Variants in FAM114A2 observed in about 807,000 individuals in gnomAD.
The protein encoded by FAM114A2 is family with sequence similarity 114 member A2.
FAM114A2 carries 53 observed loss-of-function variants against 58.4 expected under a neutral mutation model. The observed-to-expected ratio is 0.91, with a 90% confidence interval of 0.73 to 1.14. The LOEUF is 1.14. Among genes scored for constraint, FAM114A2 ranks in the 50% most tolerant of loss-of-function variants. The probability of loss-of-function intolerance (pLI) is 0.00; values close to 1 mark genes in which losing one functional copy is unlikely to be tolerated. For missense variants in FAM114A2, 601 were observed against 581.1 expected (o/e 1.03, Z -0.35); for synonymous variants, 228 against 211.4 (o/e 1.08, Z -0.68).
At chr5:154,035,656 T>C (rs1339186548) in intron 1 of FAM114A2, among the ~76,000 whole-genome samples, 2 of 152,314 alleles carry the variant, frequency 1.3e-5, no homozygotes, top group East Asian at 1.9e-4. Flanking sequence ...AGTTCATGTA[T>C]AGGTTTTTGG....
In FAM114A2 at chr5:153,994,946, G is replaced by A. The variant is rs775953919; in HGVS notation, c.1356C>T (p.Asn452=). The part of the protein sequence containing the change: ...AGVKEMADVL[N]PLITAVFLEA... ...CTAGAAATACTGCAGTGATTAATGG[G>A]TTAAGGACATCTGCCATTTCTTTGA... The change falls in exon 13 of 14, where the codon AAC becomes AAT. Residue 452 remains asparagine, a synonymous_variant. Transcript: ENST00000351797. The A allele has an allele frequency of 1.2e-6, 2 of 1,609,446 alleles. No individual in the cohort carries two copies. The highest frequency in any genetic ancestry group is 3.3e-5 in the Admixed American group (2 of 59,992).
At position 154,028,139 on chromosome 5, in the gene FAM114A2, T is replaced by TA; in HGVS notation, c.630+9dup. 6.2e-7 allele frequency: 1 copy of TA among 1,603,470 alleles called. No homozygotes were observed. The highest frequency in any genetic ancestry group is 8.5e-7 in the Non-Finnish European group (1 of 1,174,842). ...GAAACAGGAAGTAAACAGGTAAGGA[T>TA]AATCAGTACCTGAGATAGTGTAGCA... On this transcript the variant is annotated intron_variant, in intron 6 of 13. Transcript: ENST00000351797.
intron 1 of FAM114A2, among the ~76,000 whole-genome samples, chr5:154,037,746 A>C (rs1024533484): frequency 1.3e-5 from 2 of 152,148 alleles, no homozygotes; most frequent in African/African-American, 2.4e-5. Flanking sequence ...GGGTCTCGCT[A>C]TGTTGGCCAG....
chr5:154,002,159 G>T, intron 11 of FAM114A2, 92 bp downstream of exon 11: 1 of 1,250,418 alleles, frequency 8.0e-7, no homozygotes, highest in Non-Finnish European at 1.2e-6. Context: ...GACGTGAATG[G>T]TTTCTTGAGA....
chr5:154,027,498 A>G, intron 6 of FAM114A2, 164 bp from the exon 7 acceptor site: 1 of 494,764 alleles, frequency 2.0e-6, no homozygotes, highest in Non-Finnish European at 3.4e-6. Context: ...CTGCAGAAAG[A>G]AAAACGATCA....
At chr5:154,021,211 G>A (rs1771397580) in intron 8 of FAM114A2, among the ~76,000 whole-genome samples, 1 of 152,156 alleles carries the variant, frequency 6.6e-6, no homozygotes, top group Non-Finnish European at 1.5e-5. Context: ...GCAAAAACTG[G>A]AAGCATTCCC....
chr5:153,990,821 C>T lies in FAM114A2; in HGVS notation c.*2155G>A, dbSNP rs1027729747. ...ATAGTACCAAAAGTGTAGCTGTTAA[C>T]AAAAAACTAAAACACTGTAACTACC... On this transcript the variant is annotated 3_prime_UTR_variant, in exon 14 of 14. Transcript: ENST00000351797. The T allele has an allele frequency of 8.6e-5, 13 of 152,034 alleles. No homozygotes were observed. The highest frequency in any genetic ancestry group is 3.1e-4 in the African/African-American group (13 of 41,410). The allele number at this position is 152,034 out of a possible 1,614,324, so 9.4% of individuals were successfully genotyped here. A position where few individuals can be genotyped will look rare whatever the true frequency, so the allele number is the denominator to read the frequency against.
At chr5:153,998,184 C>T (rs1392556648) in intron 11 of FAM114A2, among the ~76,000 whole-genome samples, 1 of 152,192 alleles carries the variant, frequency 6.6e-6, no homozygotes, top group African/African-American at 2.4e-5. Flanking sequence ...CCATCCCACC[C>T]AGGACATGAA....
chr5:154,012,993 ATAATT>A (rs1770801160), intron 8 of FAM114A2, among the ~76,000 whole-genome samples: 1 of 151,212 alleles, frequency 6.6e-6, no homozygotes, highest in Non-Finnish European at 1.5e-5. Flanking sequence ...GGTAGTACAT[ATAATT>A]TATATAATTT....
chr5:153,991,093 A>T lies in FAM114A2; in HGVS notation c.*1883T>A, dbSNP rs1425636289. ...ACTCCATTAAAATAAATAAATATAT[A>T]TGGGGGGGTGGGGAAGATGAGAAAA... On this transcript the variant is annotated 3_prime_UTR_variant, in exon 14 of 14. Transcript: ENST00000351797. The T allele has an allele frequency of 7.0e-6, 1 of 143,714 alleles. No individual in the cohort carries two copies. Among genetic ancestry groups the T allele is most frequent in the Non-Finnish European group, 1.5e-5 (1 of 65,554 alleles). The allele number at this position is 143,714 out of a possible 1,614,324, so 8.9% of individuals were successfully genotyped here. A position where few individuals can be genotyped will look rare whatever the true frequency, so the allele number is the denominator to read the frequency against.
chr5:154,030,491 G>C (rs1272114596), intron 4 of FAM114A2, among the ~76,000 whole-genome samples: 1 of 152,192 alleles, frequency 6.6e-6, no homozygotes, highest in African/African-American at 2.4e-5. Flanking sequence ...GGCAGTACAA[G>C]ACTTCGGTTC....
intron 8 of FAM114A2, among the ~76,000 whole-genome samples, chr5:154,018,957 G>T (rs543013786): frequency 6.6e-6 from 1 of 152,184 alleles, no homozygotes; most frequent in Admixed American, 6.5e-5. Flanking sequence ...ACATAATACC[G>T]AATGGAGAGA....
In FAM114A2 at chr5:154,027,193, G is replaced by C; in HGVS notation, c.772C>G (p.Gln258Glu). Residue 258 changes from glutamine to glutamate, a missense_variant, in exon 7 of 14, where the codon CAA becomes GAA. Coordinates refer to ENST00000351797, the MANE Select transcript of FAM114A2 (RefSeq NM_018691.4). ...SHLEALEMLS[Q>E]ESEIKVKSIL... The stretch of plus-strand genomic sequence containing the variant: ...GGAATTACCTTTATTTCACTTTCTT[G>C]GGAAAGCATCTCCAGAGCTTCTAGA... 6.2e-7 allele frequency: 1 copy of C among 1,608,896 alleles called. No individual in the cohort carries two copies. The highest frequency in any genetic ancestry group is 8.5e-7 in the Non-Finnish European group (1 of 1,178,454).
At position 153,997,976 on chromosome 5, in the gene FAM114A2, A is replaced by T. The variant is rs1018768987; in HGVS notation, c.1257-101T>A. The T allele has an allele frequency of 1.2e-4, 82 of 696,412 alleles. No homozygotes were observed. In the Middle Eastern group the frequency reaches 1.9e-3, roughly 16 times the overall value. 43.1% of individuals were successfully genotyped at this position (696,412 alleles called of 1,614,324 possible). On this transcript the variant is annotated intron_variant, in intron 11 of 13. Transcript: ENST00000351797. Reference sequence around the variant, plus strand: ...GAGAACAAATCACTTCTGGTACTAAATGTGAAAGAAGAAAGCTTTTCAAGG... The same window carrying T: ...GAGAACAAATCACTTCTGGTACTAATTGTGAAAGAAGAAAGCTTTTCAAGG...
chr5:154,004,550 A>AT (rs777278622), intron 9 of FAM114A2, among the ~76,000 whole-genome samples: 1 of 131,322 alleles, frequency 7.6e-6, no homozygotes, highest in Non-Finnish European at 1.6e-5. Flanking sequence ...CTTTGAACTC[A>AT]TTGTCTTTCT....
At chr5:154,002,527 A>G (rs947309302) in intron 10 of FAM114A2, 137 bp from the exon 11 acceptor site, 3 of 938,842 alleles carry the variant, frequency 3.2e-6, no homozygotes, top group Non-Finnish European at 4.8e-6. Flanking sequence ...CTTCTTCCAC[A>G]GTAGTGATAT....
chr5:154,028,412 G>GA, intron 5 of FAM114A2, 129 bp from the exon 6 acceptor site: 1 of 635,068 alleles, frequency 1.6e-6, no homozygotes, highest in East Asian at 2.8e-5. Flanking sequence ...TAAAGCAAAT[G>GA]AAACAATCAC....
intron 9 of FAM114A2, among the ~76,000 whole-genome samples, chr5:154,004,028 A>T (rs1018132457): frequency 6.6e-6 from 1 of 152,212 alleles, no homozygotes; most frequent in African/African-American, 2.4e-5. Context: ...AGTTTTGTAC[A>T]GGAGCAATAG....
At chr5:154,017,920 T>C (rs920887551) in intron 8 of FAM114A2, among the ~76,000 whole-genome samples, 1 of 152,078 alleles carries the variant, frequency 6.6e-6, no homozygotes, top group African/African-American at 2.4e-5. Flanking sequence ...GGGATACTGC[T>C]AGGAGGAAAG....
Sources: gnomAD v4.1 joint callset for allele counts (sites outside exome capture counted in the v4.1 genomes callset) on GRCh38, gnomAD v4.1.1 for gene constraint, MANE v1.5 for transcripts, NCBI Gene and HGNC (gene_info 2026-07-23, HGNC 2026-07-21) for gene names.